Variants in BCO2 observed in about 807,000 individuals in gnomAD.
BCO2 encodes the protein beta-carotene oxygenase 2.
Under a neutral mutation model 65.8 loss-of-function variants are expected in BCO2, and 56 were observed. The observed-to-expected ratio is 0.85, with a 90% CI of 0.69 to 1.06. The LOEUF is 1.06. BCO2 is among the 50% of genes least tolerant of loss of function. The pLI, the probability that BCO2 is intolerant of heterozygous loss-of-function variation, is 0.00. For synonymous variants in BCO2, 233 were observed against 242.3 expected (o/e 0.96, Z 0.36); for missense variants, 675 against 698.5 (o/e 0.97, Z 0.38).
chr11:112,190,783 G>A (rs566860693), intron 2 of BCO2, among the ~76,000 whole-genome samples: 1 of 150,406 alleles, frequency 6.6e-6, no homozygotes, highest in East Asian at 2.0e-4. Flanking sequence ...TTGAACCCGG[G>A]AGGCAGAGGT....
chr11:112,194,416 G>T, intron 4 of BCO2: 2 of 455,182 alleles, frequency 4.4e-6, no homozygotes, highest in South Asian at 6.3e-5. Context: ...GTGATATTAG[G>T]CAAATTTATT....
intron 11 of BCO2, among the ~76,000 whole-genome samples, chr11:112,216,531 T>G (rs1859683443): frequency 1.3e-5 from 2 of 152,256 alleles, no homozygotes; most frequent in South Asian, 4.1e-4. Context: ...AATAACAATT[T>G]GTATTTGCAA....
Position 112,193,521 on chromosome 11 carries a change from TG to T in BCO2, c.343del (p.Ala115GlnfsTer5), listed in dbSNP as rs781091848. 6.2e-7 allele frequency: 1 copy of T among 1,614,062 alleles called. No homozygotes were observed. The highest frequency in any genetic ancestry group is 1.6e-4 in the Middle Eastern group (1 of 6,084). ...ATGGCGCTGCTTCACCAGTTCAGAA[TG>T]GCAAAGGGCACAGTGACATACAGGA... ...DGMALLHQFR[M>X]AKGTVTYRSK... On this transcript the variant is annotated frameshift_variant, in exon 3 of 12. Coordinates refer to ENST00000357685, the MANE Select transcript of BCO2 (RefSeq NM_031938.7). LOFTEE classifies it high-confidence loss of function.
chr11:112,183,686 C>T (rs1179011122), intron 2 of BCO2, among the ~76,000 whole-genome samples: 2 of 152,308 alleles, frequency 1.3e-5, no homozygotes, highest in East Asian at 1.9e-4. Context: ...AGTGATTCCT[C>T]CCCTCTTTAA....
Position 112,181,854 on chromosome 11 carries a change from C to T in BCO2, c.293+2372C>T, listed in dbSNP as rs1867060181. 22 of 962,260 alleles carry T rather than the reference C, an allele frequency of 2.3e-5. No homozygotes were observed. The South Asian group carries it at 2.8e-4, about 12-fold the overall frequency. 59.6% of individuals were successfully genotyped at this position (962,260 alleles called of 1,614,324 possible). A position where few individuals can be genotyped will look rare whatever the true frequency, so the allele number is the denominator to read the frequency against. On this transcript the variant is annotated intron_variant, in intron 2 of 11. Coordinates refer to ENST00000357685, the MANE Select transcript of BCO2 (RefSeq NM_031938.7). ...ACATGCAAATCTTTGCTGTTCAAAT[C>T]TTGAACGAGCTCATCTCTCTGGATC... is the stretch of plus-strand genomic sequence containing the variant.
chr11:112,182,841 T>TCAAAA, intron 2 of BCO2: 1 of 789,080 alleles, frequency 1.3e-6, no homozygotes, highest in Non-Finnish European at 2.0e-6. Context: ...ACCCTAGAAC[T>TCAAAA]TATATATATA....
intron 8 of BCO2, among the ~76,000 whole-genome samples, chr11:112,208,227 G>T (rs1477592010): frequency 6.6e-6 from 1 of 152,128 alleles, no homozygotes; most frequent in African/African-American, 2.4e-5. Context: ...CTCCCAAAGT[G>T]CTGGGATTAC....
chr11:112,211,684 A>T (rs562439514), intron 8 of BCO2, among the ~76,000 whole-genome samples: 1 of 152,166 alleles, frequency 6.6e-6, no homozygotes, highest in Non-Finnish European at 1.5e-5. Context: ...GTGATATCTC[A>T]TTGTGGTTTT....
rs71060229 is a variant in BCO2, at chr11:112,192,925, G to GTTTT, written c.294-534_294-531dup. On this transcript the variant is annotated intron_variant, in intron 2 of 11. Transcript: ENST00000357685. ...CAATAGGGGTTTTCTAAAATGTGAG[G>GTTTT]TTTTTTTTTTTTTTTTTTGACAGGG... 4.1e-4 allele frequency among the ~76,000 whole-genome samples: 15 copies of GTTTT among 36,670 alleles called. 1 individual carries two copies. Among genetic ancestry groups the GTTTT allele is most frequent in the East Asian group, 1.8e-3 (2 of 1,112 alleles). The allele number at this position is 36,670 out of a possible 152,430, so 24.1% of individuals were successfully genotyped here.
chr11:112,200,527 C>A, intron 6 of BCO2, 86 bp from the exon 7 acceptor site: 1 of 1,201,060 alleles, frequency 8.3e-7, no homozygotes, highest in Non-Finnish European at 1.2e-6. Context: ...CGTGTCCAGG[C>A]ATTCAGACAA....
chr11:112,192,040 G>GAATCTCTAT (rs1262981077), intron 2 of BCO2, among the ~76,000 whole-genome samples: 2 of 152,018 alleles, frequency 1.3e-5, no homozygotes, highest in Non-Finnish European at 2.9e-5. Context: ...TTGTGAAATT[G>GAATCTCTAT]AATCTCTATA....
chr11:112,199,585 T>C, intron 5 of BCO2, 114 bp from the exon 6 acceptor site: 1 of 846,240 alleles, frequency 1.2e-6, no homozygotes. Context: ...AATAAGAGTG[T>C]CACACATATT....
At chr11:112,180,849 A>T in intron 2 of BCO2, 6 of 1,069,514 alleles carry the variant, frequency 5.6e-6, no homozygotes, top group Non-Finnish European at 8.8e-6. Context: ...ACTTTATCTG[A>T]TTTGCTTTCT....
chr11:112,188,959 A>C (rs554419257), intron 2 of BCO2, among the ~76,000 whole-genome samples: 2 of 152,178 alleles, frequency 1.3e-5, no homozygotes, highest in Non-Finnish European at 2.9e-5. Context: ...AGTAGCAAAA[A>C]TTCTTGAAAT....
rs1378553966 is a variant in BCO2, at chr11:112,218,628, G to C, written c.*754G>C. The C allele has an allele frequency of 3.7e-5, 8 of 215,102 alleles. No individual in the cohort carries two copies. The highest frequency in any genetic ancestry group is 6.0e-5 in the Non-Finnish European group (6 of 100,436). The allele number at this position is 215,102 out of a possible 1,614,324, so 13.3% of individuals were successfully genotyped here. ...AAACTGAGAGGGAAACCCCCGAAAA[G>C]TGGTTGGCTGCAGTTGTGCAGTAGT... On this transcript the variant is annotated 3_prime_UTR_variant, in exon 12 of 12. Transcript: ENST00000357685.
intron 11 of BCO2, among the ~76,000 whole-genome samples, chr11:112,217,356 C>CA (rs1328028944): frequency 1.3e-5 from 2 of 151,986 alleles, no homozygotes; most frequent in African/African-American, 4.8e-5. Context: ...CTTTCTTTCT[C>CA]TCTCTCTCTT....
intron 2 of BCO2, chr11:112,180,989 C>A: frequency 7.5e-7 from 1 of 1,332,104 alleles, no homozygotes. Flanking sequence ...ATTTATTGAT[C>A]CTCAGACAGA....
chr11:112,209,897 A>C (rs1244309752), intron 8 of BCO2, among the ~76,000 whole-genome samples: 1 of 152,166 alleles, frequency 6.6e-6, no homozygotes, highest in African/African-American at 2.4e-5. Flanking sequence ...TATGTTCATG[A>C]ATAAAATTGC....
chr11:112,213,652 T>A lies in BCO2; in HGVS notation c.1195-72T>A, dbSNP rs1859574620. The A allele has an allele frequency of 2.1e-6, 3 of 1,398,694 alleles. No individual in the cohort carries two copies. In the South Asian group the frequency reaches 3.7e-5, roughly 17 times the overall value. 86.6% of individuals were successfully genotyped at this position (1,398,694 alleles called of 1,614,324 possible). ...ATTTAGGAATGCCAATGATGTTGAC[T>A]GGATCTAAATTATTGGGACATACTG... is the stretch of plus-strand genomic sequence containing the variant. On this transcript the variant is annotated intron_variant, in intron 8 of 11. Coordinates refer to ENST00000357685, the MANE Select transcript of BCO2 (RefSeq NM_031938.7).
Sources: gnomAD v4.1 joint callset for allele counts (sites outside exome capture counted in the v4.1 genomes callset) on GRCh38, gnomAD v4.1.1 for gene constraint, MANE v1.5 for transcripts, NCBI Gene and HGNC (gene_info 2026-07-23, HGNC 2026-07-21) for gene names.